TMEM63C: variants seen among roughly 807,000 people sequenced by gnomAD.
TMEM63C encodes transmembrane protein 63C, also known as osmosensitive cation channel TMEM63C.
In TMEM63C, 32 loss-of-function variants were observed where a neutral mutation model predicts 99.2. The observed-to-expected ratio is 0.32, with a 90% CI of 0.24 to 0.43. TMEM63C has a LOEUF of 0.43. Among genes scored for constraint, TMEM63C ranks in the 20% least tolerant of loss-of-function variants. TMEM63C has a pLI of 1.00. For synonymous variants in TMEM63C, 376 were observed against 397.9 expected, an observed-to-expected ratio of 0.94 and a Z score of 0.66; for missense variants, 826 against 1,053.0, an observed-to-expected ratio of 0.78 and a Z score of 2.98.
intron 1 of TMEM63C, among the ~76,000 whole-genome samples, chr14:77,200,351 C>T (rs1436123940): frequency 6.6e-6 from 1 of 152,224 alleles, no homozygotes; most frequent in African/African-American, 2.4e-5. Context: ...CCAGCCACCA[C>T]CCCTCAGCCC....
At chr14:77,205,183 G>A (rs1888374016) in intron 1 of TMEM63C, among the ~76,000 whole-genome samples, 1 of 152,228 alleles carries the variant, frequency 6.6e-6, no homozygotes, top group Non-Finnish European at 1.5e-5. Context: ...GGAGATGGAA[G>A]TGAGGGGGAA....
At chr14:77,231,785 GCAA>G (rs1888948130) in intron 7 of TMEM63C, 55 bp downstream of exon 7, 1 of 1,544,650 alleles carries the variant, frequency 6.5e-7, no homozygotes, top group Non-Finnish European at 8.7e-7. Context: ...AGGCAGCCAG[GCAA>G]GCCAGTCAGG....
chr14:77,204,032 T>C (rs1458624769), intron 1 of TMEM63C, among the ~76,000 whole-genome samples: 1 of 152,256 alleles, frequency 6.6e-6, no homozygotes, highest in Non-Finnish European at 1.5e-5. Flanking sequence ...GGGAGAACCA[T>C]GCTGGCTGCC....
chr14:77,195,086 T>A (rs1888193640), intron 1 of TMEM63C, among the ~76,000 whole-genome samples: 1 of 151,958 alleles, frequency 6.6e-6, no homozygotes, highest in Non-Finnish European at 1.5e-5. Flanking sequence ...AGACCCCATC[T>A]CAAAAAAACA....
rs1245627739 is a variant in TMEM63C, at chr14:77,250,809, CCA to C, written c.2039-979_2039-978del. Among the ~76,000 whole-genome samples, 5 of 152,136 alleles carry C rather than the reference CCA, an allele frequency of 3.3e-5. No individual in the cohort carries two copies. The South Asian group carries it at 6.2e-4, about 19-fold the overall frequency. On this transcript the variant is annotated intron_variant, in intron 21 of 23. Coordinates refer to ENST00000298351, the MANE Select transcript of TMEM63C (RefSeq NM_020431.4). Reference sequence around the variant, plus strand: ...ATCCCGCTAGCCTTTCCCTGCCACCCCAGAGACTTCATTTTTTCCATAATGCT... The same window carrying C: ...ATCCCGCTAGCCTTTCCCTGCCACCCGAGACTTCATTTTTTCCATAATGCT...
chr14:77,237,889 A>T (rs192052792), intron 9 of TMEM63C, among the ~76,000 whole-genome samples: 12 of 152,326 alleles, frequency 7.9e-5, no homozygotes, highest in Admixed American at 2.6e-4. Flanking sequence ...GTGTGGAATC[A>T]GCTCCTTCCA....
intron 23 of TMEM63C, among the ~76,000 whole-genome samples, chr14:77,255,630 G>A (rs1889447872): frequency 6.6e-6 from 1 of 152,196 alleles, no homozygotes; most frequent in Non-Finnish European, 1.5e-5. Context: ...TTCAACATGG[G>A]GCTAGAACAC....
chr14:77,250,519 A>G (rs1594870433), intron 21 of TMEM63C, among the ~76,000 whole-genome samples: 1 of 150,136 alleles, frequency 6.7e-6, no homozygotes. Context: ...GACCCACTGC[A>G]ACCTCCGCCT....
chr14:77,247,414 T>C (rs1336724782), intron 18 of TMEM63C, among the ~76,000 whole-genome samples: 1 of 152,164 alleles, frequency 6.6e-6, no homozygotes, highest in African/African-American at 2.4e-5. Context: ...TTGGCCAGGC[T>C]GGTCTCGAAC....
Position 77,239,594 on chromosome 14 carries a change from C to G in TMEM63C, c.807-9C>G, listed in dbSNP as rs750377337. ...TGCAGGTCCTTCTCCTGTTGCCCACCGCTGGCAGGCGCCATGCCATGCGGG... is the reference window on the plus strand; with the variant it reads ...TGCAGGTCCTTCTCCTGTTGCCCACGGCTGGCAGGCGCCATGCCATGCGGG... On this transcript the variant is annotated splice_polypyrimidine_tract_variant and intron_variant, in intron 11 of 23. Transcript: ENST00000298351. 4 of 1,613,342 alleles carry G rather than the reference C, an allele frequency of 2.5e-6. 1 individual carries two copies. The South Asian group carries it at 4.4e-5, about 18-fold the overall frequency.
At chr14:77,189,503 T>A (rs56784237) in intron 1 of TMEM63C, among the ~76,000 whole-genome samples, 3,669 of 152,216 alleles carry the variant, frequency 0.024, 167 homozygotes, top group African/African-American at 0.084. Context: ...CCTACCAAGA[T>A]CATGTGTGTA....
intron 1 of TMEM63C, among the ~76,000 whole-genome samples, chr14:77,187,873 C>A (rs1471594691): frequency 6.6e-6 from 1 of 152,246 alleles, no homozygotes; most frequent in Non-Finnish European, 1.5e-5. Context: ...TTGGAGTAAG[C>A]CCAACCCATC....
At position 77,183,787 on chromosome 14, in the gene TMEM63C, C is replaced by T. The variant is rs558216399; in HGVS notation, c.-77+1893C>T. On this transcript the variant is annotated intron_variant, in intron 1 of 23. Transcript: ENST00000298351. Reference sequence around the variant, plus strand: ...TGACCACCAGGAGCTGCTGGGGTGACCTGTGGGAAGGGATGGGGTTCCCAG... The same window carrying T: ...TGACCACCAGGAGCTGCTGGGGTGATCTGTGGGAAGGGATGGGGTTCCCAG... Among the ~76,000 whole-genome samples, 8 of 152,268 alleles carry T rather than the reference C, an allele frequency of 5.3e-5. No homozygotes were observed. The South Asian group carries it at 1.5e-3, about 28-fold the overall frequency.
At chr14:77,210,236 T>G (rs1330985213) in intron 1 of TMEM63C, among the ~76,000 whole-genome samples, 3 of 152,144 alleles carry the variant, frequency 2.0e-5, no homozygotes, top group Admixed American at 6.5e-5. Context: ...AGTATCTAGA[T>G]GTACTAAACA....
intron 5 of TMEM63C, among the ~76,000 whole-genome samples, chr14:77,224,254 A>G (rs1888777368): frequency 6.6e-6 from 1 of 151,974 alleles, no homozygotes; most frequent in South Asian, 2.1e-4. Flanking sequence ...GAGGACAGGC[A>G]AAAAAGAAAC....
In TMEM63C at chr14:77,239,738, G is replaced by T; in HGVS notation, c.930+12G>T. The T allele has an allele frequency of 6.2e-7, 1 of 1,611,950 alleles. No homozygotes were observed. The highest frequency in any genetic ancestry group is 1.1e-5 in the South Asian group (1 of 90,778). On this transcript the variant is annotated intron_variant, in intron 12 of 23. Transcript: ENST00000298351. ...CCTGCTTCAAGGAGGTAACTGGCTT[G>T]AGCGTTGGGAGCACAGCAAGGGAGC...
At chr14:77,208,722 A>G (rs1390137612) in intron 1 of TMEM63C, among the ~76,000 whole-genome samples, 1 of 152,262 alleles carries the variant, frequency 6.6e-6, no homozygotes, top group African/African-American at 2.4e-5. Context: ...CGACACCTGA[A>G]GAGACTTGGC....
At chr14:77,193,704 C>T (rs1314492875) in intron 1 of TMEM63C, among the ~76,000 whole-genome samples, 1 of 152,044 alleles carries the variant, frequency 6.6e-6, no homozygotes, top group Non-Finnish European at 1.5e-5. Flanking sequence ...TGTGGTGACG[C>T]ATGCCTGTAA....
At chr14:77,226,812 G>A (rs929684886) in intron 6 of TMEM63C, among the ~76,000 whole-genome samples, 2 of 151,126 alleles carry the variant, frequency 1.3e-5, no homozygotes, top group Non-Finnish European at 2.9e-5. Context: ...TCTGTCACCA[G>A]GGTGATGTGC....
Sources: gnomAD v4.1 joint callset for allele counts (sites outside exome capture counted in the v4.1 genomes callset) on GRCh38, gnomAD v4.1.1 for gene constraint, MANE v1.5 for transcripts, NCBI Gene and HGNC (gene_info 2026-07-23, HGNC 2026-07-21) for gene names.